The following RABGAP1L variants were observed in gnomAD, a reference collection of about 807,000 sequenced individuals.
The protein encoded by RABGAP1L is RAB GTPase activating protein 1 like.
A neutral mutation model predicts 137.7 loss-of-function variants in RABGAP1L; 63 were observed. That is an observed-to-expected ratio of 0.46 (90% CI 0.37 to 0.56). RABGAP1L has a LOEUF of 0.56. Ranked by LOEUF, RABGAP1L falls within the 20% of genes least tolerant of loss-of-function variation. The probability of loss-of-function intolerance (pLI) is 0.00; values close to 1 mark genes in which losing one functional copy is unlikely to be tolerated. For missense variants in RABGAP1L, 1,095 were observed against 1,244.0 expected (o/e 0.88, Z 1.80); for synonymous variants, 431 against 433.7 (o/e 0.99, Z 0.08).
chr1:174,893,479 G>C (rs12063093), intron 19 of RABGAP1L, among the ~76,000 whole-genome samples: 55,097 of 151,978 alleles, frequency 0.36, 12,933 homozygotes, highest in African/African-American at 0.67. Flanking sequence ...ATTCCTCCTA[G>C]GAAGAAAGAA....
intron 12 of RABGAP1L, 69 bp from the exon 13 acceptor site, chr1:174,393,926 C>A (rs1290686777): frequency 9.1e-6 from 14 of 1,535,936 alleles, no homozygotes; most frequent in African/African-American, 1.4e-5. Context: ...AACTAGTATA[C>A]TTTTCATGGC....
At position 174,636,012 on chromosome 1, in the gene RABGAP1L, T is replaced by C. The variant is rs530784184; in HGVS notation, c.1711-1363T>C. Among the ~76,000 whole-genome samples the C allele has an allele frequency of 4.6e-5, 7 of 152,358 alleles. No homozygotes were observed. The East Asian group carries it at 1.3e-3, about 29-fold the overall frequency. ...GAAATAAGACATTAAGCAATTCTTT[T>C]AATTTGCAATTAGTAGTCTGATGTG... On this transcript the variant is annotated intron_variant, in intron 13 of 25. Transcript: ENST00000681986.
At chr1:174,959,471 G>A (rs1558283753) in intron 20 of RABGAP1L, among the ~76,000 whole-genome samples, 1 of 152,042 alleles carries the variant, frequency 6.6e-6, no homozygotes, top group Non-Finnish European at 1.5e-5. Flanking sequence ...TGCCAAAGCA[G>A]GTATGTATAC....
At chr1:174,369,722 T>C (rs1571450591) in intron 11 of RABGAP1L, among the ~76,000 whole-genome samples, 1 of 152,202 alleles carries the variant, frequency 6.6e-6, no homozygotes, top group African/African-American at 2.4e-5. Context: ...GATGAACTTA[T>C]TACAAGCTTC....
At chr1:174,783,918 C>G (rs1687238319) in intron 18 of RABGAP1L, among the ~76,000 whole-genome samples, 1 of 150,654 alleles carries the variant, frequency 6.6e-6, no homozygotes, top group East Asian at 1.9e-4. Context: ...CCATATTGGC[C>G]AGGATGGTCT....
At chr1:174,706,974 CAGA>C (rs1680096230) in intron 17 of RABGAP1L, among the ~76,000 whole-genome samples, 1 of 152,080 alleles carries the variant, frequency 6.6e-6, no homozygotes, top group Non-Finnish European at 1.5e-5. Context: ...TTCTAGTTTC[CAGA>C]AGGCCATTAT....
At chr1:174,385,921 A>G (rs1686726951) in intron 12 of RABGAP1L, among the ~76,000 whole-genome samples, 1 of 152,234 alleles carries the variant, frequency 6.6e-6, no homozygotes, top group African/African-American at 2.4e-5. Flanking sequence ...ATGATAGGAA[A>G]CGAGGACACA....
intron 24 of RABGAP1L, among the ~76,000 whole-genome samples, chr1:174,988,295 C>T (rs1041328203): frequency 6.6e-6 from 1 of 152,044 alleles, no homozygotes; most frequent in African/African-American, 2.4e-5. Context: ...TATACAGTTG[C>T]TCTAGGATTA....
intron 13 of RABGAP1L, among the ~76,000 whole-genome samples, chr1:174,482,660 A>G (rs191332064): frequency 4.6e-5 from 7 of 152,230 alleles, no homozygotes; most frequent in Admixed American, 4.6e-4. Context: ...GTATTTTTAT[A>G]GAGATGGGGT....
chr1:174,575,004 C>A (rs1668268332), intron 13 of RABGAP1L, among the ~76,000 whole-genome samples: 1 of 152,212 alleles, frequency 6.6e-6, no homozygotes, highest in South Asian at 2.1e-4. Flanking sequence ...AATCTCGGCT[C>A]ACTGCAACCT....
At chr1:174,309,296 A>G (rs1319986913) in intron 11 of RABGAP1L, among the ~76,000 whole-genome samples, 1 of 152,048 alleles carries the variant, frequency 6.6e-6, no homozygotes, top group African/African-American at 2.4e-5. Context: ...AGATAATGTC[A>G]TCTGCAAACC....
At chr1:174,301,560 A>G (rs939757388) in intron 10 of RABGAP1L, among the ~76,000 whole-genome samples, 2 of 151,868 alleles carry the variant, frequency 1.3e-5, no homozygotes, top group South Asian at 4.1e-4. Flanking sequence ...TTCTTGTCCC[A>G]TGACCAAGAA....
rs186354970 is a variant in RABGAP1L at position 174,541,239 on chromosome 1, G to A, written c.1711-96136G>A. Among the ~76,000 whole-genome samples, 300 of 152,280 alleles carry A rather than the reference G, an allele frequency of 2.0e-3. 1 individual carries two copies. The highest frequency in any genetic ancestry group is 6.8e-3 in the African/African-American group (284 of 41,558). On this transcript the variant is annotated intron_variant, in intron 13 of 25. Coordinates refer to ENST00000681986, the MANE Select transcript of RABGAP1L (RefSeq NM_001366446.1). ...TATACAATCATGTCATCTGTAAACA[G>A]GGACAATTTGACTTCCCCTTTTCCT...
intron 17 of RABGAP1L, among the ~76,000 whole-genome samples, chr1:174,742,874 C>T (rs753190095): frequency 1.3e-5 from 2 of 152,160 alleles, no homozygotes; most frequent in Non-Finnish European, 2.9e-5. Flanking sequence ...TCATACCTCC[C>T]TATCATTCCC....
At chr1:174,789,552 A>G (rs1335739256) in intron 18 of RABGAP1L, among the ~76,000 whole-genome samples, 1 of 152,114 alleles carries the variant, frequency 6.6e-6, no homozygotes, top group African/African-American at 2.4e-5. Flanking sequence ...CTGTAAGCTA[A>G]ATTTACTCAG....
At chr1:174,914,658 T>A (rs1411834613) in intron 19 of RABGAP1L, among the ~76,000 whole-genome samples, 3 of 152,142 alleles carry the variant, frequency 2.0e-5, no homozygotes, top group Non-Finnish European at 2.9e-5. Context: ...ATTTTTTTTT[T>A]AAACTTTTTC....
At chr1:174,410,828 G>C (rs1649838928) in intron 13 of RABGAP1L, among the ~76,000 whole-genome samples, 1 of 152,066 alleles carries the variant, frequency 6.6e-6, no homozygotes, top group East Asian at 1.9e-4. Flanking sequence ...GCTTTCTTTG[G>C]GCAGTATGGC....
chr1:174,963,663 G>A (rs955331210), intron 20 of RABGAP1L, among the ~76,000 whole-genome samples: 3 of 151,912 alleles, frequency 2.0e-5, no homozygotes, highest in South Asian at 4.2e-4. Flanking sequence ...GCAAGGATCT[G>A]CAGACTGTGG....
intron 14 of RABGAP1L, among the ~76,000 whole-genome samples, chr1:174,667,637 G>A (rs765116545): frequency 3.9e-5 from 6 of 152,132 alleles, no homozygotes; most frequent in Non-Finnish European, 8.8e-5. Flanking sequence ...TCAAAAACAG[G>A]TGGTCAAGTT....
Sources: allele counts gnomAD v4.1 joint callset (sites outside exome capture counted in the v4.1 genomes callset), GRCh38; gene constraint gnomAD v4.1.1; transcripts MANE v1.5; gene names NCBI Gene and HGNC (gene_info 2026-07-23, HGNC 2026-07-21).